TAF1B: variants seen among roughly 807,000 people sequenced by gnomAD.
TAF1B encodes TATA-box binding protein associated factor, RNA polymerase I subunit B, also known as TATA box-binding protein-associated factor RNA polymerase I subunit B.
A neutral mutation model predicts 83.9 loss-of-function variants in TAF1B; 61 were observed. The ratio of observed to expected loss-of-function variants is 0.73; its 90% CI spans 0.59 to 0.90. The LOEUF is 0.90. Ranked by LOEUF, TAF1B falls within the 40% of genes least tolerant of loss-of-function variation. The pLI is 0.00. For missense variants in TAF1B, 625 were observed against 677.0 expected (o/e 0.92, Z 0.85); for synonymous variants, 221 against 224.6 (o/e 0.98, Z 0.14).
At chr2:9,875,056 G>T (rs1664281466) in intron 6 of TAF1B, among the ~76,000 whole-genome samples, 1 of 151,710 alleles carries the variant, frequency 6.6e-6, no homozygotes, top group African/African-American at 2.4e-5. Context: ...CAACCTCCCA[G>T]GTTCAAGCAA....
At chr2:9,877,436 C>T (rs1006971753) in intron 7 of TAF1B, among the ~76,000 whole-genome samples, 2 of 152,194 alleles carry the variant, frequency 1.3e-5, no homozygotes, top group Admixed American at 6.5e-5. Flanking sequence ...TTCCCCTCTA[C>T]GTACACTGTT....
intron 1 of TAF1B, 122 bp from the exon 2 acceptor site, chr2:9,845,098 A>G: frequency 1.8e-6 from 1 of 570,874 alleles, no homozygotes; most frequent in Non-Finnish European, 3.0e-6. Context: ...CATATTTTTT[A>G]TTGTCTATGA....
intron 13 of TAF1B, 151 bp downstream of exon 13, chr2:9,919,262 T>G: frequency 1.5e-6 from 1 of 668,670 alleles, no homozygotes; most frequent in Admixed American, 2.8e-5. Context: ...CATCATACTC[T>G]GCAAGAAATC....
rs184484476 is a variant in TAF1B, at chr2:9,934,244, G to T, written c.*260G>T. The T allele has an allele frequency of 3.3e-6, 1 of 306,514 alleles. No individual in the cohort carries two copies. The highest frequency in any genetic ancestry group is 6.5e-5 in the South Asian group (1 of 15,310). 19.0% of individuals were successfully genotyped at this position (306,514 alleles called of 1,614,324 possible). On this transcript the variant is annotated 3_prime_UTR_variant, in exon 15 of 15. Transcript: ENST00000263663. Reference sequence around the variant, plus strand: ...AAATTGTATAATTGTATCCAGAAATGTATACTCATCGTATTTTAAAGCTAA... The same window carrying T: ...AAATTGTATAATTGTATCCAGAAATTTATACTCATCGTATTTTAAAGCTAA...
intron 6 of TAF1B, among the ~76,000 whole-genome samples, chr2:9,871,481 C>T (rs1331368103): frequency 1.3e-5 from 2 of 152,106 alleles, no homozygotes; most frequent in East Asian, 1.9e-4. Context: ...ATTACCCTCT[C>T]ATTTTTGTGG....
chr2:9,906,546 G>A (rs955784406), intron 9 of TAF1B, among the ~76,000 whole-genome samples: 2 of 152,136 alleles, frequency 1.3e-5, no homozygotes, highest in African/African-American at 2.4e-5. Flanking sequence ...AAAGGGAAGG[G>A]TTATGTAAAC....
intron 3 of TAF1B, among the ~76,000 whole-genome samples, chr2:9,851,045 A>ATT (rs1241680740): frequency 1.3e-5 from 2 of 152,208 alleles, no homozygotes; most frequent in African/African-American, 4.8e-5. Flanking sequence ...TCGTTCACTC[A>ATT]TTCACTAACA....
intron 14 of TAF1B, among the ~76,000 whole-genome samples, chr2:9,932,643 G>T (rs1666251146): frequency 6.6e-6 from 1 of 152,190 alleles, no homozygotes; most frequent in Non-Finnish European, 1.5e-5. Context: ...CCCACTTGAG[G>T]AGGCAGTCTG....
chr2:9,858,964 A>G (rs1663658927), intron 5 of TAF1B, among the ~76,000 whole-genome samples: 1 of 152,180 alleles, frequency 6.6e-6, no homozygotes, highest in Non-Finnish European at 1.5e-5. Flanking sequence ...CTTGACTATT[A>G]ACATTCACTC....
At chr2:9,862,191 C>A (rs2125142115) in intron 5 of TAF1B, among the ~76,000 whole-genome samples, 1 of 151,954 alleles carries the variant, frequency 6.6e-6, no homozygotes, top group East Asian at 1.9e-4. Flanking sequence ...GATTAAAAAC[C>A]TTGAAAAAAA....
chr2:9,857,838 G>T (rs1663613379), intron 5 of TAF1B, among the ~76,000 whole-genome samples: 1 of 152,074 alleles, frequency 6.6e-6, no homozygotes, highest in Non-Finnish European at 1.5e-5. Flanking sequence ...ACAGCATGGG[G>T]GAAGCCACCC....
At chr2:9,851,869 A>G (rs1663407428) in intron 4 of TAF1B, 2 of 641,774 alleles carry the variant, frequency 3.1e-6, no homozygotes, top group Admixed American at 2.2e-5. Context: ...TTTAGTCTTC[A>G]GATACTTAGG....
At chr2:9,845,044 G>A (rs1572205664) in intron 1 of TAF1B, among the ~76,000 whole-genome samples, 176 bp from the exon 2 acceptor site, 1 of 151,578 alleles carries the variant, frequency 6.6e-6, no homozygotes. Context: ...AGTTTAATTC[G>A]GTTTCATACC....
intron 9 of TAF1B, among the ~76,000 whole-genome samples, chr2:9,909,299 C>A (rs966852406): frequency 3.9e-5 from 6 of 152,162 alleles, no homozygotes; most frequent in African/African-American, 1.4e-4. Context: ...GGGTACATGC[C>A]AGGACATCTG....
At chr2:9,907,189 GTTT>G (rs35638451) in intron 9 of TAF1B, among the ~76,000 whole-genome samples, 248 of 145,698 alleles carry the variant, frequency 1.7e-3, no homozygotes, top group Middle Eastern at 3.4e-3. Context: ...AGCCTGGCCT[GTTT>G]TTTTTTTTTT....
chr2:9,882,733 C>T lies in TAF1B; in HGVS notation c.735C>T (p.Tyr245=). The change falls in exon 8 of 15, where the codon TAC becomes TAT. Residue 245 remains tyrosine, a synonymous_variant. Coordinates refer to ENST00000263663, the MANE Select transcript of TAF1B (RefSeq NM_005680.3). ...TTGTTGAAGAGGACCATATTCCTTACATAAATGCTTTTCAGCATTTTCCAG... is the reference window on the plus strand; with the variant it reads ...TTGTTGAAGAGGACCATATTCCTTATATAAATGCTTTTCAGCATTTTCCAG... ...LRFVEEDHIP[Y]INAFQHFPEQ... is the part of the protein sequence containing the mutation. 5.6e-6 allele frequency: 9 copies of T among 1,611,322 alleles called. No individual in the cohort carries two copies. Among genetic ancestry groups the T allele is most frequent in the Non-Finnish European group, 7.6e-6 (9 of 1,178,702 alleles).
At chr2:9,880,355 GGATT>G (rs1037605102) in intron 7 of TAF1B, among the ~76,000 whole-genome samples, 1 of 147,318 alleles carries the variant, frequency 6.8e-6, no homozygotes, top group African/African-American at 2.5e-5. Context: ...TCAACTTCCT[GGATT>G]GATCTAGAGA....
Position 9,913,148 on chromosome 2 carries a change from ATTTCT to A in TAF1B, c.1181-8_1181-4del. On this transcript the variant is annotated splice_region_variant and splice_polypyrimidine_tract_variant and intron_variant, in intron 11 of 14. Coordinates refer to ENST00000263663, the MANE Select transcript of TAF1B (RefSeq NM_005680.3). ...TATTTGGTTAATAATCTTGGATTTT[ATTTCT>A]TTCAGATAAGCCATGGTTTGATTTC... is the stretch of plus-strand genomic sequence containing the variant. The A allele has an allele frequency of 6.3e-7, 1 of 1,589,484 alleles. No individual in the cohort carries two copies. Among genetic ancestry groups the A allele is most frequent in the Non-Finnish European group, 8.6e-7 (1 of 1,169,118 alleles).
chr2:9,903,489 G>C (rs1266865846), intron 8 of TAF1B, among the ~76,000 whole-genome samples: 1 of 152,114 alleles, frequency 6.6e-6, no homozygotes, highest in Non-Finnish European at 1.5e-5. Flanking sequence ...AATGGTATAT[G>C]CAAAAAACTT....
Sources: allele counts gnomAD v4.1 joint callset (sites outside exome capture counted in the v4.1 genomes callset), GRCh38; gene constraint gnomAD v4.1.1; transcripts MANE v1.5; gene names NCBI Gene and HGNC (gene_info 2026-07-23, HGNC 2026-07-21).